Variants in C12orf54 observed in about 807,000 individuals in gnomAD.
C12orf54 encodes the protein chromosome 12 open reading frame 54, also known as uncharacterized protein C12orf54.
Under a neutral mutation model 26.4 loss-of-function variants are expected in C12orf54, and 24 were observed. That is an observed-to-expected ratio of 0.91 (90% CI 0.66 to 1.28). C12orf54 has a LOEUF of 1.28. C12orf54 is among the 50% of genes most tolerant of loss of function. The pLI is 0.00. For missense variants in C12orf54, 154 were observed against 150.9 expected, an observed-to-expected ratio of 1.02 and a Z score of -0.11; for synonymous variants, 54 against 47.0, an observed-to-expected ratio of 1.15 and a Z score of -0.61.
the C12orf54 span, among the ~76,000 whole-genome samples, chr12:48,472,230 A>G: frequency 1.3e-5 from 2 of 152,224 alleles, no homozygotes; most frequent in Non-Finnish European, 2.9e-5. Context: ...TATCAGCTCT[A>G]TTAACCTTTT....
chr12:48,479,467 C>G (rs1307239857), upstream of C12orf54, among the ~76,000 whole-genome samples: 1 of 151,952 alleles, frequency 6.6e-6, no homozygotes, highest in African/African-American at 2.4e-5. Flanking sequence ...ACATATGTAA[C>G]AAACCTGCAC....
the C12orf54 span, among the ~76,000 whole-genome samples, chr12:48,445,612 A>C: frequency 2.0e-5 from 3 of 152,166 alleles, no homozygotes; most frequent in African/African-American, 7.2e-5. Context: ...GGTTTCTGGC[A>C]TAATGCGGGC....
At chr12:48,489,529 G>A (rs1324422179) in intron 5 of C12orf54, among the ~76,000 whole-genome samples, 5 of 151,986 alleles carry the variant, frequency 3.3e-5, no homozygotes, top group Non-Finnish European at 7.4e-5. Flanking sequence ...GGGTTCAAGT[G>A]AATCTCCTCC....
At chr12:48,483,903 G>A (rs1338792716) in intron 2 of C12orf54, among the ~76,000 whole-genome samples, 1 of 152,206 alleles carries the variant, frequency 6.6e-6, no homozygotes, top group Non-Finnish European at 1.5e-5. Flanking sequence ...AGAGTTTGTA[G>A]AAATTTGGGG....
the C12orf54 span, among the ~76,000 whole-genome samples, chr12:48,443,610 C>G: frequency 5.3e-5 from 8 of 152,160 alleles, no homozygotes; most frequent in Non-Finnish European, 1.5e-5. Context: ...AATATAGGAA[C>G]ATACTCCAGT....
chr12:48,425,886 A>G, the C12orf54 span, among the ~76,000 whole-genome samples: 1 of 149,876 alleles, frequency 6.7e-6, no homozygotes, highest in East Asian at 2.0e-4. Flanking sequence ...TCTATTGAAA[A>G]GTATCGGTTC....
At chr12:48,462,854 C>G in the C12orf54 span, among the ~76,000 whole-genome samples, 1 of 151,828 alleles carries the variant, frequency 6.6e-6, no homozygotes, top group South Asian at 2.1e-4. Flanking sequence ...GAAATCTGCT[C>G]TCACCACTTC....
At chr12:48,429,619 G>A in the C12orf54 span, among the ~76,000 whole-genome samples, 1 of 151,718 alleles carries the variant, frequency 6.6e-6, no homozygotes, top group African/African-American at 2.4e-5. Flanking sequence ...GAAGGTGAAA[G>A]GCCTCTACAA....
chr12:48,488,659 C>T (rs968898568), intron 4 of C12orf54, among the ~76,000 whole-genome samples: 2 of 152,150 alleles, frequency 1.3e-5, no homozygotes, highest in East Asian at 1.9e-4. Context: ...TTTCATTATA[C>T]ATTCAATGCA....
chr12:48,418,260 G>C, the C12orf54 span, among the ~76,000 whole-genome samples: 1 of 152,154 alleles, frequency 6.6e-6, no homozygotes, highest in Non-Finnish European at 1.5e-5. Flanking sequence ...TGTCTGGAAG[G>C]GAAAGACATT....
At chr12:48,464,388 T>C in the C12orf54 span, among the ~76,000 whole-genome samples, 1 of 151,884 alleles carries the variant, frequency 6.6e-6, no homozygotes, top group Non-Finnish European at 1.5e-5. Flanking sequence ...ATCTCTACAA[T>C]GTGAATTACA....
the C12orf54 span, among the ~76,000 whole-genome samples, chr12:48,443,872 C>A: frequency 6.6e-6 from 1 of 152,216 alleles, no homozygotes; most frequent in African/African-American, 2.4e-5. Flanking sequence ...GCAAAACAGG[C>A]ACATTCATTC....
At chr12:48,442,705 C>A in the C12orf54 span, 1 of 163,528 alleles carries the variant, frequency 6.1e-6, no homozygotes, top group Non-Finnish European at 1.4e-5. Flanking sequence ...ACAGGAGGTT[C>A]TCCAACAGCT....
chr12:48,492,745 C>G, intron 6 of C12orf54: 1 of 582,216 alleles, frequency 1.7e-6, no homozygotes, highest in Admixed American at 2.6e-5. Flanking sequence ...TGGCCATGAT[C>G]CGCTCTGCTT....
chr12:48,425,164 G>C, the C12orf54 span, among the ~76,000 whole-genome samples: 1 of 151,950 alleles, frequency 6.6e-6, no homozygotes, highest in Non-Finnish European at 1.5e-5. Flanking sequence ...TTGTTGTACA[G>C]ATTATTTCAT....
chr12:48,465,376 C>T, the C12orf54 span, among the ~76,000 whole-genome samples: 1 of 152,090 alleles, frequency 6.6e-6, no homozygotes, highest in Admixed American at 6.6e-5. Context: ...CCATCTTACA[C>T]CAGACAGAAT....
chr12:48,416,927 A>T, the C12orf54 span, among the ~76,000 whole-genome samples: 6 of 151,934 alleles, frequency 3.9e-5, no homozygotes, highest in African/African-American at 1.5e-4. Flanking sequence ...TTGCCATGAG[A>T]TGGGTGTCTG....
chr12:48,422,680 T>C, the C12orf54 span, among the ~76,000 whole-genome samples: 1,130 of 152,316 alleles, frequency 7.4e-3, 13 homozygotes, highest in African/African-American at 0.025. Context: ...TTTCTTTGAA[T>C]GATGTAAAAC....
chr12:48,460,727 C>A, the C12orf54 span, among the ~76,000 whole-genome samples: 3 of 152,000 alleles, frequency 2.0e-5, no homozygotes, highest in African/African-American at 7.2e-5. Flanking sequence ...TGAAGGTAGA[C>A]TCTAATAAGT....
Sources: allele counts gnomAD v4.1 joint callset (sites outside exome capture counted in the v4.1 genomes callset), GRCh38; gene constraint gnomAD v4.1.1; transcripts MANE v1.5; gene names NCBI Gene and HGNC (gene_info 2026-07-23, HGNC 2026-07-21).